SYT4: variants seen among roughly 807,000 people sequenced by gnomAD.
SYT4 encodes synaptotagmin 4.
Under a neutral mutation model 32.9 loss-of-function variants are expected in SYT4, and 7 were observed. The ratio of observed to expected loss-of-function variants is 0.21; its 90% confidence interval spans 0.12 to 0.40. The LOEUF (loss-of-function observed/expected upper bound fraction) is 0.40, where lower values mean the gene tolerates loss of function less well. SYT4 is among the 10% of genes least tolerant of loss of function. The pLI is 1.00. For synonymous variants in SYT4, 205 were observed against 186.2 expected (o/e 1.10, Z -0.82); for missense variants, 480 against 488.0 (o/e 0.98, Z 0.16).
Position 43,268,115 on chromosome 18 carries a change from T to C in SYT4, c.*2226A>G, listed in dbSNP as rs1908509216. On this transcript the variant is annotated 3_prime_UTR_variant, in exon 4 of 4. Coordinates refer to ENST00000255224, the MANE Select transcript of SYT4 (RefSeq NM_020783.4). ...GAGATTGGCTAATCAGACAAACAAT[T>C]AATTTACATGTTTAATACAGTGCAG... The C allele has an allele frequency of 6.6e-6, 1 of 152,612 alleles. No homozygotes were observed. The highest frequency in any genetic ancestry group is 2.1e-4 in the South Asian group (1 of 4,834). The allele number at this position is 152,612 out of a possible 1,614,324, so 9.5% of individuals were successfully genotyped here.
At chr18:43,271,594 T>C in intron 3 of SYT4, 118 bp downstream of exon 3, 2 of 1,354,560 alleles carry the variant, frequency 1.5e-6, no homozygotes, top group South Asian at 1.6e-5. Context: ...AGCTAACTTT[T>C]ATAGCAGATA....
chr18:43,270,710 T>A, intron 3 of SYT4, 62 bp from the exon 4 acceptor site: 1 of 1,560,780 alleles, frequency 6.4e-7, no homozygotes, highest in South Asian at 1.2e-5. Flanking sequence ...GATATCAAGA[T>A]AACAGTGCCC....
Position 43,268,315 on chromosome 18 carries a change from A to T in SYT4, c.*2026T>A, listed in dbSNP as rs548503305. ...CAAATAGTTTTACTCAACTTTTCAC[A>T]CTCAAAAACACTTTAAATTTTAAAA... On this transcript the variant is annotated 3_prime_UTR_variant, in exon 4 of 4. Transcript: ENST00000255224. 2 of 152,430 alleles carry T rather than the reference A, an allele frequency of 1.3e-5. No individual in the cohort carries two copies. Among genetic ancestry groups the T allele is most frequent in the Non-Finnish European group, 2.9e-5 (2 of 68,024 alleles). The allele number at this position is 152,430 out of a possible 1,614,324, so 9.4% of individuals were successfully genotyped here. A position where few individuals can be genotyped will look rare whatever the true frequency, so the allele number is the denominator to read the frequency against.
chr18:43,277,127 C>A, intron 1 of SYT4, 121 bp downstream of exon 1: 1 of 1,245,840 alleles, frequency 8.0e-7, no homozygotes, highest in Non-Finnish European at 1.1e-6. Flanking sequence ...TCTCATTTTC[C>A]TTTTAAATTA....
intron 1 of SYT4, among the ~76,000 whole-genome samples, chr18:43,276,406 T>TA (rs1443473062): frequency 1.3e-5 from 2 of 152,184 alleles, no homozygotes; most frequent in Non-Finnish European, 1.5e-5. Flanking sequence ...TTTCATGATT[T>TA]AAAAAATACG....
At chr18:43,271,995 C>A in intron 2 of SYT4, 163 bp from the exon 3 acceptor site, 1 of 679,830 alleles carries the variant, frequency 1.5e-6, no homozygotes, top group Non-Finnish European at 2.1e-6. Flanking sequence ...TGAGCAGTAC[C>A]ATCGCTGCTT....
chr18:43,270,334 T>C lies in SYT4; in HGVS notation c.*7A>G, dbSNP rs1483667388. 1 of 1,610,410 alleles carries C rather than the reference T, an allele frequency of 6.2e-7. No individual in the cohort carries two copies. The highest frequency in any genetic ancestry group is 2.2e-5 in the East Asian group (1 of 44,786). ...AAACCTTTAAGTTCCAACTCACGGCTAGGATGCTAACCATCACAGAGCACG... is the reference window on the plus strand; with the variant it reads ...AAACCTTTAAGTTCCAACTCACGGCCAGGATGCTAACCATCACAGAGCACG... On this transcript the variant is annotated 3_prime_UTR_variant, in exon 4 of 4. Transcript: ENST00000255224.
rs1908719289 is a variant in SYT4, at chr18:43,274,146, C to A, written c.283G>T (p.Asp95Tyr). The A allele has an allele frequency of 6.2e-7, 1 of 1,613,930 alleles. No homozygotes were observed. The highest frequency in any genetic ancestry group is 1.7e-5 in the Admixed American group (1 of 59,996). Residue 95 changes from aspartate to tyrosine, a missense_variant, in exon 2 of 4, where the codon GAT (aspartate) becomes TAT (tyrosine). Transcript: ENST00000255224. ...PAVPKNSLHL[D>Y]LEKRDLNGNF... Reference sequence around the variant, plus strand: ...CCATTGAGATCTCTCTTTTCAAGATCCAGATGCAATGAATTCTTTGGCACA... The same window carrying A: ...CCATTGAGATCTCTCTTTTCAAGATACAGATGCAATGAATTCTTTGGCACA...
chr18:43,275,984 G>A lies in SYT4; in HGVS notation c.34+1264C>T, dbSNP rs527708741. On this transcript the variant is annotated intron_variant, in intron 1 of 3. Transcript: ENST00000255224. ...GAACTGAGAGAGTTCTTTAGCCAAT[G>A]TAAAAACAATAAAAACAGTAGAAAA... is the stretch of plus-strand genomic sequence containing the variant. Among the ~76,000 whole-genome samples the A allele has an allele frequency of 5.3e-5, 8 of 152,232 alleles. No homozygotes were observed. The South Asian group carries it at 1.5e-3, about 28-fold the overall frequency.
In SYT4 at chr18:43,273,437, T is replaced by C. The variant is rs1908690886; in HGVS notation, c.849+143A>G. On this transcript the variant is annotated intron_variant, in intron 2 of 3. Transcript: ENST00000255224. ...TATTTCATCTGTTCTATTCCCTTGA[T>C]CTCCATTAGATTATAATTAATAATA... The C allele has an allele frequency of 6.9e-6, 4 of 580,976 alleles. No homozygotes were observed. The South Asian group carries it at 8.0e-5, about 12-fold the overall frequency. The allele number at this position is 580,976 out of a possible 1,614,324, so 36.0% of individuals were successfully genotyped here. A position where few individuals can be genotyped will look rare whatever the true frequency, so the allele number is the denominator to read the frequency against.
At position 43,273,367 on chromosome 18, in the gene SYT4, T is replaced by C. The variant is rs1908688534; in HGVS notation, c.849+213A>G. ...ATCCATAAAGAATGCCTATTTATTT[T>C]ACATCATTAAAACACTTTGAGTATT... On this transcript the variant is annotated intron_variant, in intron 2 of 3. Coordinates refer to ENST00000255224, the MANE Select transcript of SYT4 (RefSeq NM_020783.4). Among the ~76,000 whole-genome samples, 8 of 152,166 alleles carry C rather than the reference T, an allele frequency of 5.3e-5. No individual in the cohort carries two copies. In the South Asian group the frequency reaches 1.4e-3, roughly 28 times the overall value.
chr18:43,277,341 G>C lies in SYT4; in HGVS notation c.-60C>G. ...GAAAACTGCCTGGCTGGATTCACTTGCCTGGATCTCAAGCGCCGGCTTTCG... is the reference window on the plus strand; with the variant it reads ...GAAAACTGCCTGGCTGGATTCACTTCCCTGGATCTCAAGCGCCGGCTTTCG... On this transcript the variant is annotated 5_prime_UTR_variant, in exon 1 of 4. Transcript: ENST00000255224. The C allele has an allele frequency of 6.2e-7, 1 of 1,605,388 alleles. No individual in the cohort carries two copies. Among genetic ancestry groups the C allele is most frequent in the Non-Finnish European group, 8.5e-7 (1 of 1,172,516 alleles).
chr18:43,276,823 G>C (rs1908808763), intron 1 of SYT4, among the ~76,000 whole-genome samples: 1 of 152,068 alleles, frequency 6.6e-6, no homozygotes, highest in South Asian at 2.1e-4. Flanking sequence ...CAATAGACAA[G>C]TTGCTTTTTT....
At position 43,270,136 on chromosome 18, in the gene SYT4, T is replaced by A. The variant is rs1908581187; in HGVS notation, c.*205A>T. 12 of 577,928 alleles carry A rather than the reference T, an allele frequency of 2.1e-5. No individual in the cohort carries two copies. In the South Asian group the frequency reaches 2.9e-4, roughly 14 times the overall value. 35.8% of individuals were successfully genotyped at this position (577,928 alleles called of 1,614,324 possible). A position where few individuals can be genotyped will look rare whatever the true frequency, so the allele number is the denominator to read the frequency against. On this transcript the variant is annotated 3_prime_UTR_variant, in exon 4 of 4. Transcript: ENST00000255224. The stretch of plus-strand genomic sequence containing the variant: ...GAGATATTGAATATCTTATGAAAAT[T>A]TATCCAACTCTTCTAATAAATAGGG...
In SYT4 at chr18:43,277,273, C is replaced by T. The variant is rs775671737; in HGVS notation, c.9G>A (p.Pro3=). Residue 3 remains proline (P), a synonymous_variant, in exon 1 of 4, where the codon CCG becomes CCA. Coordinates refer to ENST00000255224, the MANE Select transcript of SYT4 (RefSeq NM_020783.4). ...CAAATTCTTCCCGGCTGGTGGTGATCGGAGCCATTTTTTACTGCGTGTTCT... is the reference window on the plus strand; with the variant it reads ...CAAATTCTTCCCGGCTGGTGGTGATTGGAGCCATTTTTTACTGCGTGTTCT... MA[P]ITTSREEFDE... 1 of 1,613,990 alleles carries T rather than the reference C, an allele frequency of 6.2e-7. No homozygotes were observed.
Position 43,270,069 on chromosome 18 carries a change from A to G in SYT4, c.*272T>C. The G allele has an allele frequency of 2.4e-6, 1 of 410,926 alleles. No individual in the cohort carries two copies. Among genetic ancestry groups the G allele is most frequent in the Non-Finnish European group, 4.4e-6 (1 of 229,516 alleles). 25.5% of individuals were successfully genotyped at this position (410,926 alleles called of 1,614,324 possible). On this transcript the variant is annotated 3_prime_UTR_variant, in exon 4 of 4. Coordinates refer to ENST00000255224, the MANE Select transcript of SYT4 (RefSeq NM_020783.4). ...TTGGGATTCTGGCACAGTATTCATAAAATGTCTGACTATTCCTAGTTATAT... is the reference window on the plus strand; with the variant it reads ...TTGGGATTCTGGCACAGTATTCATAGAATGTCTGACTATTCCTAGTTATAT...
In SYT4 at chr18:43,277,371, G is replaced by A; in HGVS notation, c.-90C>T. Reference sequence around the variant, plus strand: ...GATCTCAAGCGCCGGCTTTCGGAGCGCTGAAAACAACAGCGCAGAGCCCAG... The same window carrying A: ...GATCTCAAGCGCCGGCTTTCGGAGCACTGAAAACAACAGCGCAGAGCCCAG... On this transcript the variant is annotated 5_prime_UTR_variant, in exon 1 of 4. Transcript: ENST00000255224. 1.3e-6 allele frequency: 2 copies of A among 1,538,042 alleles called. No homozygotes were observed. Among genetic ancestry groups the A allele is most frequent in the Non-Finnish European group, 1.8e-6 (2 of 1,112,624 alleles).
chr18:43,273,634 T>C lies in SYT4; in HGVS notation c.795A>G (p.Glu265=), dbSNP rs1400645313. The C allele has an allele frequency of 1.9e-6, 3 of 1,613,770 alleles. No homozygotes were observed. Among genetic ancestry groups the C allele is most frequent in the Middle Eastern group, 1.7e-4 (1 of 6,060 alleles). ...TCATTAACATTTTTCCTTCAGATAA[T>C]TCAATTCCCGAGAGAGGAATTAGAA... ...GEVLIPLSGI[E]LSEGKMLMNR... Residue 265 remains glutamate, a synonymous_variant, in exon 2 of 4, where the codon GAA becomes GAG. Coordinates refer to ENST00000255224, the MANE Select transcript of SYT4 (RefSeq NM_020783.4).
Position 43,273,839 on chromosome 18 carries a change from G to C in SYT4, c.590C>G (p.Thr197Arg). 3 of 1,614,004 alleles carry C rather than the reference G, an allele frequency of 1.9e-6. No individual in the cohort carries two copies. The highest frequency in any genetic ancestry group is 2.5e-6 in the Non-Finnish European group (3 of 1,179,924). Residue 197 changes from threonine (T) to arginine (R), a missense_variant, in exon 2 of 4, where the codon ACG becomes AGG. Physicochemically the swap from Thr to Arg is moderately conservative, Grantham distance 71 (BLOSUM62 -1). Transcript: ENST00000255224. ...TTTATGCTTCTTCTCTGGGAGGATC[G>C]TCATTTTGATATATGGGTCAGAGGT... ...SMTSDPYIKMTILPEKKHKVK... is the reference protein window; with the variant it reads ...SMTSDPYIKMRILPEKKHKVK...
Sources: gnomAD v4.1 joint callset for allele counts (sites outside exome capture counted in the v4.1 genomes callset) on GRCh38, gnomAD v4.1.1 for gene constraint, MANE v1.5 for transcripts, NCBI Gene and HGNC (gene_info 2026-07-23, HGNC 2026-07-21) for gene names.